The following MED27 variants were observed in gnomAD, a reference collection of about 807,000 sequenced individuals.
MED27 encodes mediator of RNA polymerase II transcription subunit 27.
In MED27, 30 loss-of-function variants were observed where a neutral mutation model predicts 38.2. The ratio of observed to expected loss-of-function variants is 0.79; its 90% CI spans 0.59 to 1.07. MED27 has a LOEUF of 1.07. Among genes scored for constraint, MED27 ranks in the 50% least tolerant of loss-of-function variants. The pLI is 0.00. For synonymous variants in MED27, 122 were observed against 153.5 expected (o/e 0.79, Z 1.52); for missense variants, 289 against 397.5 (o/e 0.73, Z 2.32).
chr9:131,878,306 T>TA (rs1564265361), intron 6 of MED27, among the ~76,000 whole-genome samples: 2 of 148,656 alleles, frequency 1.3e-5, no homozygotes, highest in East Asian at 2.1e-4. Context: ...AATAAATAAA[T>TA]AAATAAAATA....
chr9:131,923,554 A>G (rs886179511), intron 4 of MED27, among the ~76,000 whole-genome samples: 1 of 152,144 alleles, frequency 6.6e-6, no homozygotes, highest in African/African-American at 2.4e-5. Flanking sequence ...ATTGAAATAC[A>G]TTTCAATTTA....
intron 3 of MED27, among the ~76,000 whole-genome samples, chr9:131,960,608 G>A (rs766050779): frequency 1.2e-4 from 18 of 152,120 alleles, no homozygotes; most frequent in Non-Finnish European, 2.4e-4. Flanking sequence ...TAATATAAAG[G>A]ATTACATGTA....
chr9:131,987,444 T>C (rs1380276774), intron 3 of MED27, among the ~76,000 whole-genome samples: 3 of 151,964 alleles, frequency 2.0e-5, no homozygotes, highest in Non-Finnish European at 4.4e-5. Context: ...GCGGTGGGAA[T>C]GTGGACAAGC....
In MED27 at chr9:131,883,972, C is replaced by T; in HGVS notation, c.723+86G>A. 1.7e-6 allele frequency: 2 copies of T among 1,185,006 alleles called. No individual in the cohort carries two copies. Among genetic ancestry groups the T allele is most frequent in the Non-Finnish European group, 2.5e-6 (2 of 815,232 alleles). The allele number at this position is 1,185,006 out of a possible 1,614,324, so 73.4% of individuals were successfully genotyped here. On this transcript the variant is annotated intron_variant, in intron 6 of 7. Transcript: ENST00000292035. The surrounding 1 kb of genome is among the most constrained non-coding windows in gnomAD (Gnocchi z 4.2). ...CTGGCTTTTTTCACTTTTTCAAAAG[C>T]CTCTGATTTGAGACCAATGTTTAAA...
chr9:131,875,481 G>A (rs1420262903), intron 6 of MED27, among the ~76,000 whole-genome samples: 1 of 152,198 alleles, frequency 6.6e-6, no homozygotes, highest in Non-Finnish European at 1.5e-5. Flanking sequence ...AAGCACAGAT[G>A]GAAGGGGTGG....
chr9:131,976,518 G>T (rs1831611599), intron 3 of MED27, among the ~76,000 whole-genome samples: 1 of 152,184 alleles, frequency 6.6e-6, no homozygotes, highest in Non-Finnish European at 1.5e-5. Context: ...CTGAGTGCAG[G>T]TCCTGTAACC....
rs1401846583 is a variant in MED27 at position 131,932,403 on chromosome 9, T to C, written c.573+6978A>G. Among the ~76,000 whole-genome samples, 5 of 138,396 alleles carry C rather than the reference T, an allele frequency of 3.6e-5. No individual in the cohort carries two copies. In the East Asian group the frequency reaches 1.0e-3, roughly 29 times the overall value. 90.8% of individuals were successfully genotyped at this position (138,396 alleles called of 152,430 possible). A position where few individuals can be genotyped will look rare whatever the true frequency, so the allele number is the denominator to read the frequency against. ...TAGGGAAAAAAAAAAAGAGAGAAGA[T>C]ACAAATAAAATAAGAGATGAAAAAG... On this transcript the variant is annotated intron_variant, in intron 4 of 7. Coordinates refer to ENST00000292035, the MANE Select transcript of MED27 (RefSeq NM_004269.4).
chr9:132,001,612 T>G (rs186607430), intron 3 of MED27, among the ~76,000 whole-genome samples: 172 of 151,934 alleles, frequency 1.1e-3, no homozygotes, highest in Middle Eastern at 6.8e-3. Flanking sequence ...CTAAAAGAGG[T>G]CAGGAAAATG....
chr9:131,902,705 C>T (rs1829973503), intron 4 of MED27, among the ~76,000 whole-genome samples: 1 of 151,994 alleles, frequency 6.6e-6, no homozygotes, highest in Admixed American at 6.6e-5. Flanking sequence ...GAGAAATGGC[C>T]CTGGGGGTGG....
chr9:131,867,457 ATCC>A (rs1331940702), intron 6 of MED27, among the ~76,000 whole-genome samples: 3 of 152,232 alleles, frequency 2.0e-5, no homozygotes, highest in East Asian at 1.9e-4. Flanking sequence ...GTCACTCAGC[ATCC>A]TCCTCCTCTC....
At chr9:131,988,588 C>T (rs1039646814) in intron 3 of MED27, among the ~76,000 whole-genome samples, 6 of 152,270 alleles carry the variant, frequency 3.9e-5, no homozygotes, top group Admixed American at 2.6e-4. Flanking sequence ...TGTAAGAACA[C>T]AGTAATATAA....
chr9:132,071,487 T>TGG (rs1833935145), intron 2 of MED27, among the ~76,000 whole-genome samples: 1 of 144,616 alleles, frequency 6.9e-6, no homozygotes, highest in African/African-American at 2.6e-5. Context: ...AATAAGTCCA[T>TGG]ACACGTACGA....
At chr9:131,879,674 C>T (rs1360109468) in intron 6 of MED27, among the ~76,000 whole-genome samples, 2 of 152,206 alleles carry the variant, frequency 1.3e-5, no homozygotes, top group Non-Finnish European at 2.9e-5. Flanking sequence ...GCACTTCATG[C>T]CACTGCTGCA....
chr9:131,971,711 T>TG (rs987768460), intron 3 of MED27, among the ~76,000 whole-genome samples: 11 of 151,358 alleles, frequency 7.3e-5, no homozygotes, highest in African/African-American at 1.5e-4. Flanking sequence ...AGACTGGGAG[T>TG]GGGGGGCGGG....
At chr9:132,063,828 T>C (rs1833748989) in intron 2 of MED27, among the ~76,000 whole-genome samples, 1 of 152,164 alleles carries the variant, frequency 6.6e-6, no homozygotes, top group African/African-American at 2.4e-5. Flanking sequence ...GCACCTACTA[T>C]GTGCCAGCCC....
intron 4 of MED27, among the ~76,000 whole-genome samples, chr9:131,937,871 G>A (rs948601715): frequency 4.0e-5 from 6 of 151,598 alleles, no homozygotes; most frequent in African/African-American, 1.2e-4. Flanking sequence ...TTTTGCCCAG[G>A]CTGGAGTGCA....
intron 2 of MED27, among the ~76,000 whole-genome samples, chr9:132,063,035 G>A (rs777898446): frequency 2.0e-5 from 3 of 152,212 alleles, no homozygotes; most frequent in Admixed American, 6.5e-5. Context: ...GGAAGCTGTT[G>A]CAAGTGTCCT....
intron 6 of MED27, among the ~76,000 whole-genome samples, chr9:131,870,205 C>T (rs1838805744): frequency 6.6e-6 from 1 of 152,192 alleles, no homozygotes; most frequent in African/African-American, 2.4e-5. Context: ...CCCACATCGC[C>T]ATTTACTGAG....
At chr9:131,988,040 T>C (rs139027469) in intron 3 of MED27, among the ~76,000 whole-genome samples, 95 of 152,336 alleles carry the variant, frequency 6.2e-4, no homozygotes, top group Non-Finnish European at 1.1e-3. Context: ...GTTTACAGTT[T>C]TTAAAAATGT....
Sources: allele counts gnomAD v4.1 joint callset (sites outside exome capture counted in the v4.1 genomes callset), GRCh38; gene constraint gnomAD v4.1.1; non-coding constraint Gnocchi (gnomAD v3.1); transcripts MANE v1.5; gene names NCBI Gene and HGNC (gene_info 2026-07-23, HGNC 2026-07-21).